The following MYO9A variants were observed in gnomAD, a reference collection of about 807,000 sequenced individuals.
MYO9A encodes unconventional myosin-IXa.
Under a neutral mutation model 293.3 loss-of-function variants are expected in MYO9A, and 103 were observed. The ratio of observed to expected loss-of-function variants is 0.35; its 90% CI spans 0.30 to 0.41. The LOEUF (loss-of-function observed/expected upper bound fraction) is 0.41. MYO9A is among the 10% of genes least tolerant of loss of function. MYO9A has a pLI of 1.00. For synonymous variants in MYO9A, 1,001 were observed against 1,035.7 expected, an observed-to-expected ratio of 0.97 and a Z score of 0.64; for missense variants, 2,685 against 3,033.0, an observed-to-expected ratio of 0.89 and a Z score of 2.69.
At chr15:71,858,407 G>C (rs372612951) in intron 34 of MYO9A, among the ~76,000 whole-genome samples, 2 of 151,884 alleles carry the variant, frequency 1.3e-5, no homozygotes, top group Admixed American at 6.6e-5. Context: ...CACATATACA[G>C]CATGGAATAC....
chr15:72,077,587 G>C (rs1289417975), intron 1 of MYO9A, among the ~76,000 whole-genome samples: 2 of 151,542 alleles, frequency 1.3e-5, no homozygotes, highest in African/African-American at 4.9e-5. Context: ...AGCTACTCAG[G>C]AGGCTGAGGC....
At chr15:72,105,176 C>A (rs1663478574) in intron 1 of MYO9A, among the ~76,000 whole-genome samples, 1 of 152,196 alleles carries the variant, frequency 6.6e-6, no homozygotes, top group Admixed American at 6.5e-5. Flanking sequence ...AAAAAATCAG[C>A]TCCTTCTCAG....
chr15:71,913,398 C>T (rs796361086), intron 19 of MYO9A, among the ~76,000 whole-genome samples: 18 of 152,266 alleles, frequency 1.2e-4, no homozygotes, highest in African/African-American at 4.1e-4. Context: ...GACAGAACAA[C>T]TCCATCTCCT....
rs533383271 is a variant in MYO9A at position 72,030,112 on chromosome 15, A to G, written c.936-2319T>C. Among the ~76,000 whole-genome samples, 113 of 152,290 alleles carry G rather than the reference A, an allele frequency of 7.4e-4. 3 individuals are homozygous for G. The South Asian group carries it at 0.022, about 29-fold the overall frequency. On this transcript the variant is annotated intron_variant, in intron 3 of 41. Coordinates refer to ENST00000356056, the MANE Select transcript of MYO9A (RefSeq NM_006901.4). ...GTGGGTTCTTTGAAAATCCATTGCCACTACCACCACCAATAATTAAAATTT... is the reference window on the plus strand; with the variant it reads ...GTGGGTTCTTTGAAAATCCATTGCCGCTACCACCACCAATAATTAAAATTT...
chr15:72,015,578 C>T (rs2077307169), intron 6 of MYO9A, among the ~76,000 whole-genome samples: 1 of 151,952 alleles, frequency 6.6e-6, no homozygotes, highest in African/African-American at 2.4e-5. Context: ...TGGCAATGAC[C>T]ATTAAAACCC....
At chr15:71,893,385 C>G (rs2057233581) in intron 26 of MYO9A, 1 of 438,682 alleles carries the variant, frequency 2.3e-6, no homozygotes, top group African/African-American at 2.0e-5. Context: ...AGAATGGAAG[C>G]TAAATCTACA....
chr15:71,827,961 G>A lies in MYO9A; in HGVS notation c.7106C>T (p.Ser2369Phe). The A allele has an allele frequency of 6.2e-7, 1 of 1,613,868 alleles. No individual in the cohort carries two copies. The highest frequency in any genetic ancestry group is 8.5e-7 in the Non-Finnish European group (1 of 1,179,846). The change falls in exon 41 of 42, where the codon TCT (serine) becomes TTT (phenylalanine). Residue 2369 changes from serine (S) to phenylalanine (F), a missense_variant. Ser to Phe is a radical substitution (Grantham distance 155). Transcript: ENST00000356056. ...ATCAGCAGTCCCAATGGAGGCCTCA[G>A]ACTCAAGGGTTTCATCATCAGAGGC... ...PRASDDETLE[S>F]EASIGTADSS... is the part of the protein sequence containing the mutation.
At chr15:72,055,431 C>G (rs1253656559) in intron 1 of MYO9A, among the ~76,000 whole-genome samples, 6 of 151,902 alleles carry the variant, frequency 3.9e-5, no homozygotes, top group African/African-American at 1.5e-4. Context: ...ACTTTATGAC[C>G]AAGAACCCAA....
At chr15:71,970,331 C>G (rs1308136433) in intron 12 of MYO9A, among the ~76,000 whole-genome samples, 3 of 152,162 alleles carry the variant, frequency 2.0e-5, no homozygotes, top group Non-Finnish European at 4.4e-5. Flanking sequence ...CCATAACATA[C>G]AGCCATTAAG....
chr15:72,062,101 C>A (rs143426542), intron 1 of MYO9A, among the ~76,000 whole-genome samples: 2 of 152,324 alleles, frequency 1.3e-5, no homozygotes, highest in African/African-American at 4.8e-5. Context: ...AAGGCAGTAC[C>A]TCTACGAGTC....
At chr15:71,897,223 C>T (rs533914202) in intron 25 of MYO9A, 9 of 487,220 alleles carry the variant, frequency 1.8e-5, no homozygotes, top group Non-Finnish European at 2.5e-5. Context: ...ATGCTTCTCA[C>T]TTAATGGGGA....
At chr15:71,910,168 G>GTATATATATATATATATATATA (rs377474158) in intron 19 of MYO9A, among the ~76,000 whole-genome samples, 10 of 128,310 alleles carry the variant, frequency 7.8e-5, no homozygotes, top group African/African-American at 1.7e-4. Flanking sequence ...ATATATACGT[G>GTATATATATATATATATATATA]TATATATATA....
Position 71,959,614 on chromosome 15 carries a change from T to A in MYO9A, c.2182+287A>T, listed in dbSNP as rs151272322. ...TATCTATTTCTAAATTTCAAAGTTT[T>A]TAAAAATCCATGAACTAAGAGTAAA... On this transcript the variant is annotated intron_variant, in intron 14 of 41. Transcript: ENST00000356056. 5.3e-4 allele frequency: 127 copies of A among 241,610 alleles called. 1 individual carries two copies. The East Asian group carries it at 9.5e-3, about 18-fold the overall frequency. 15.0% of individuals were successfully genotyped at this position (241,610 alleles called of 1,614,324 possible). A position where few individuals can be genotyped will look rare whatever the true frequency, so the allele number is the denominator to read the frequency against.
At position 71,946,035 on chromosome 15, in the gene MYO9A, C is replaced by T. The variant is rs114309456; in HGVS notation, c.2302+5742G>A. Reference sequence around the variant, plus strand: ...TTAACATGGTCAAGCCAACCTTTCTCATCCCTGGAATAAATTCCATGTGGT... The same window carrying T: ...TTAACATGGTCAAGCCAACCTTTCTTATCCCTGGAATAAATTCCATGTGGT... On this transcript the variant is annotated intron_variant, in intron 15 of 41. Transcript: ENST00000356056. 4.3e-3 allele frequency among the ~76,000 whole-genome samples: 655 copies of T among 152,298 alleles called. 4 individuals are homozygous for T. Among genetic ancestry groups the T allele is most frequent in the African/African-American group, 0.015 (612 of 41,568 alleles).
intron 39 of MYO9A, among the ~76,000 whole-genome samples, chr15:71,847,649 C>A (rs2055446638): frequency 2.0e-5 from 3 of 152,236 alleles, no homozygotes; most frequent in Admixed American, 2.0e-4. Flanking sequence ...CTCTTCCCTT[C>A]CTGCCTGGAT....
intron 8 of MYO9A, among the ~76,000 whole-genome samples, chr15:72,004,721 A>T (rs1489170348): frequency 6.6e-6 from 1 of 152,218 alleles, no homozygotes; most frequent in African/African-American, 2.4e-5. Context: ...CAATTTATCA[A>T]CTGGAGCTTG....
Position 72,075,770 on chromosome 15 carries a change from T to A in MYO9A, c.-71-29136A>T, listed in dbSNP as rs1041626655. On this transcript the variant is annotated intron_variant, in intron 1 of 41. Coordinates refer to ENST00000356056, the MANE Select transcript of MYO9A (RefSeq NM_006901.4). ...CAAGACCCCATCTCTACAAAAAAAA[T>A]TTATAATAAAAATAATAATAAAGTA... Among the ~76,000 whole-genome samples the A allele has an allele frequency of 5.3e-5, 8 of 150,768 alleles. 1 individual carries two copies. The highest frequency in any genetic ancestry group is 2.1e-4 in the South Asian group (1 of 4,764).
chr15:71,920,629 T>TTTTAATA (rs1567272497), intron 18 of MYO9A, among the ~76,000 whole-genome samples: 1 of 152,072 alleles, frequency 6.6e-6, no homozygotes, highest in African/African-American at 2.4e-5. Flanking sequence ...CTCATGTTAT[T>TTTTAATA]AAAAAGGACT....
In MYO9A at chr15:71,952,463, T is replaced by C. The variant is rs536113256; in HGVS notation, c.2183-567A>G. 3.3e-4 allele frequency among the ~76,000 whole-genome samples: 50 copies of C among 152,322 alleles called. No individual in the cohort carries two copies. In the South Asian group the frequency reaches 1.0e-2, roughly 30 times the overall value. On this transcript the variant is annotated intron_variant, in intron 14 of 41. Transcript: ENST00000356056. ...TTTGAAAACAAAGCTGAAGACTCTG[T>C]ACCTCATTATCACTTCTTAGGAAAA...
Sources: allele counts gnomAD v4.1 joint callset (sites outside exome capture counted in the v4.1 genomes callset), GRCh38; gene constraint gnomAD v4.1.1; transcripts MANE v1.5; gene names NCBI Gene and HGNC (gene_info 2026-07-23, HGNC 2026-07-21).